The following SPATA7 variants were observed in gnomAD, a reference collection of about 807,000 sequenced individuals.
The protein encoded by SPATA7 is spermatogenesis-associated protein 7.
A neutral mutation model predicts 51.8 loss-of-function variants in SPATA7; 43 were observed. That is an observed-to-expected ratio of 0.83 (90% CI 0.65 to 1.07). SPATA7 has a LOEUF of 1.07. SPATA7 is among the 50% of genes least tolerant of loss of function. The probability of loss-of-function intolerance (pLI) is 0.00; values close to 1 mark genes in which losing one functional copy is unlikely to be tolerated. For missense variants in SPATA7, 683 were observed against 701.3 expected, an observed-to-expected ratio of 0.97 and a Z score of 0.30; for synonymous variants, 230 against 252.8, an observed-to-expected ratio of 0.91 and a Z score of 0.86.
chr14:88,406,337 A>G (rs2139923217), intron 4 of SPATA7, among the ~76,000 whole-genome samples: 1 of 151,832 alleles, frequency 6.6e-6, no homozygotes, highest in Admixed American at 6.6e-5. Context: ...CCACAAACCA[A>G]TTTTAGAACA....
At chr14:88,467,407 G>A (rs1472539954) in intron 4 of SPATA7, 1 of 152,082 alleles carries the variant, frequency 6.6e-6, no homozygotes, top group Non-Finnish European at 1.5e-5. Flanking sequence ...TAAATAATGT[G>A]CCTTCATCCT....
chr14:88,413,727 C>A (rs2076401011), intron 4 of SPATA7, among the ~76,000 whole-genome samples: 1 of 150,142 alleles, frequency 6.7e-6, no homozygotes, highest in Non-Finnish European at 1.5e-5. Flanking sequence ...CTTTTGATGC[C>A]TAATTTGTTG....
rs143562455 is a variant in SPATA7 at position 88,469,730 on chromosome 14, C to G, written c.255-117C>G. The G allele has an allele frequency of 4.3e-6, 7 of 1,613,978 alleles. No individual in the cohort carries two copies. Among genetic ancestry groups the G allele is most frequent in the Non-Finnish European group, 5.9e-6 (7 of 1,179,870 alleles). On this transcript the variant is annotated intron_variant, in intron 4 of 4. Transcript: ENST00000556406. The surrounding 1 kb of genome is among the most constrained non-coding windows in gnomAD (Gnocchi z 4.3). ...TACCTAAAGCTCTTCTCCCTTCCAC[C>G]CTCCTGTTAAAGATGAGCATGGTTA...
intron 9 of SPATA7, among the ~76,000 whole-genome samples, chr14:88,432,305 A>G (rs1391289617): frequency 1.3e-5 from 2 of 152,154 alleles, no homozygotes; most frequent in East Asian, 3.8e-4. Context: ...CCTGTGAATC[A>G]GTTTGAAAGT....
intron 3 of SPATA7, among the ~76,000 whole-genome samples, chr14:88,449,830 A>C (rs2077239211): frequency 6.6e-6 from 1 of 152,078 alleles, no homozygotes. Context: ...TCATCATATA[A>C]TACCCCTCTT....
chr14:88,468,903 TA>T, intron 4 of SPATA7: 1 of 1,613,950 alleles, frequency 6.2e-7, no homozygotes, highest in Non-Finnish European at 8.5e-7. Context: ...CAGGTGATCA[TA>T]AGCGCCATCA....
At chr14:88,414,762 C>G (rs1220469968) in intron 4 of SPATA7, 4 of 318,912 alleles carry the variant, frequency 1.3e-5, no homozygotes, top group Middle Eastern at 1.1e-3. Context: ...TTATTTATTT[C>G]AAAGAGTTTT....
intron 4 of SPATA7, chr14:88,416,170 C>A (rs1409805883): frequency 6.5e-6 from 1 of 152,712 alleles, no homozygotes; most frequent in East Asian, 1.9e-4. Context: ...TTGGGTATTT[C>A]TAATAGCAAT....
At chr14:88,465,031 G>A (rs540357016) in intron 4 of SPATA7, among the ~76,000 whole-genome samples, 9 of 152,158 alleles carry the variant, frequency 5.9e-5, no homozygotes, top group Non-Finnish European at 1.2e-4. Flanking sequence ...CTTTCTGGAC[G>A]TTTCTAAGGA....
intron 4 of SPATA7, among the ~76,000 whole-genome samples, chr14:88,461,116 C>T (rs1461951058): frequency 2.0e-5 from 3 of 152,198 alleles, no homozygotes; most frequent in Non-Finnish European, 4.4e-5. Context: ...TCAGTCTGCC[C>T]CTACTGGGAG....
intron 5 of SPATA7, among the ~76,000 whole-genome samples, chr14:88,419,779 C>A (rs2076588956): frequency 6.6e-6 from 1 of 152,060 alleles, no homozygotes; most frequent in Non-Finnish European, 1.5e-5. Context: ...CCTGCCTCGG[C>A]CTCCCAAAGT....
At chr14:88,451,008 C>G (rs2077246504) in intron 3 of SPATA7, among the ~76,000 whole-genome samples, 1 of 152,124 alleles carries the variant, frequency 6.6e-6, no homozygotes, top group Non-Finnish European at 1.5e-5. Flanking sequence ...ATTCTTTCTT[C>G]TTTGTCTTTG....
intron 3 of SPATA7, among the ~76,000 whole-genome samples, chr14:88,449,704 C>T (rs546145061): frequency 9.9e-5 from 15 of 152,072 alleles, no homozygotes; most frequent in Non-Finnish European, 2.2e-4. Flanking sequence ...ACTGTATTAA[C>T]ATCTATCTCA....
chr14:88,426,590 C>G lies in SPATA7; in HGVS notation c.731C>G (p.Thr244Ser). ...AAACAATTGCCATTCACTCCTCGCA[C>G]TTTAAAAACAGAAGCAAAATCTTTC... The part of the protein sequence containing the change: ...SNKQLPFTPR[T>S]LKTEAKSFLS... Residue 244 changes from threonine (T) to serine (S), a missense_variant, in exon 6 of 12, where the codon ACT (threonine) becomes AGT (serine). Transcript: ENST00000393545. The G allele has an allele frequency of 6.2e-7, 1 of 1,614,148 alleles. No homozygotes were observed. Among genetic ancestry groups the G allele is most frequent in the Non-Finnish European group, 8.5e-7 (1 of 1,180,020 alleles).
At chr14:88,470,274 C>A in exon 5 of SPATA7, 1 of 550,806 alleles carries the variant, frequency 1.8e-6, no homozygotes, top group East Asian at 3.2e-5. Flanking sequence ...TGTGAATATA[C>A]ATAATATCTA....
chr14:88,414,428 A>G (rs935190265), intron 4 of SPATA7, among the ~76,000 whole-genome samples: 2 of 151,922 alleles, frequency 1.3e-5, no homozygotes, highest in African/African-American at 4.8e-5. Context: ...ATCTGGTTGT[A>G]CTTATTTGGA....
In SPATA7 at chr14:88,392,284, A is replaced by G. The variant is rs573383102; in HGVS notation, c.94+829A>G. 2.6e-5 allele frequency among the ~76,000 whole-genome samples: 4 copies of G among 152,300 alleles called. No individual in the cohort carries two copies. The South Asian group carries it at 8.3e-4, about 32-fold the overall frequency. On this transcript the variant is annotated intron_variant, in intron 2 of 11. Coordinates refer to ENST00000393545, the MANE Select transcript of SPATA7 (RefSeq NM_018418.5). ...TAAAGAACAATATGTAAAGTTTGCT[A>G]ACTTTCTTTTAAAGAATATATATAT...
intron 3 of SPATA7, among the ~76,000 whole-genome samples, chr14:88,453,055 C>T (rs1324488646): frequency 6.6e-6 from 1 of 152,166 alleles, no homozygotes; most frequent in African/African-American, 2.4e-5. Flanking sequence ...TCCCTCCTAC[C>T]CCAACTCTGT....
intron 1 of SPATA7, among the ~76,000 whole-genome samples, chr14:88,389,230 TTTC>T (rs941353259): frequency 1.3e-5 from 2 of 151,214 alleles, no homozygotes; most frequent in African/African-American, 4.9e-5. Context: ...TTCCTTTCTC[TTTC>T]TTTTTTCTTT....
Sources: gnomAD v4.1 joint callset for allele counts (sites outside exome capture counted in the v4.1 genomes callset) on GRCh38, gnomAD v4.1.1 for gene constraint, Gnocchi (gnomAD v3.1) non-coding constraint, MANE v1.5 for transcripts, NCBI Gene and HGNC (gene_info 2026-07-23, HGNC 2026-07-21) for gene names.